The following ZMAT4 variants were observed in gnomAD, a reference collection of about 807,000 sequenced individuals.
ZMAT4 encodes zinc finger matrin-type protein 4.
In ZMAT4, 17 loss-of-function variants were observed where a neutral mutation model predicts 28.7. The ratio of observed to expected loss-of-function variants is 0.59; its 90% CI spans 0.41 to 0.89. ZMAT4 has a LOEUF of 0.89. Ranked by LOEUF, ZMAT4 falls within the 40% of genes least tolerant of loss-of-function variation. The pLI, the probability that ZMAT4 is intolerant of heterozygous loss-of-function variation, is 0.00. For missense variants in ZMAT4, 240 were observed against 283.8 expected (o/e 0.85, Z 1.11); for synonymous variants, 117 against 109.2 (o/e 1.07, Z -0.44).
chr8:40,689,896 T>C (rs967778686), intron 4 of ZMAT4, among the ~76,000 whole-genome samples: 5 of 152,140 alleles, frequency 3.3e-5, no homozygotes, highest in Non-Finnish European at 7.4e-5. Flanking sequence ...GATCATCAAC[T>C]GTCTTATACC....
intron 2 of ZMAT4, among the ~76,000 whole-genome samples, chr8:40,780,722 T>A (rs535597287): frequency 6.6e-6 from 1 of 152,320 alleles, no homozygotes; most frequent in African/African-American, 2.4e-5. Flanking sequence ...CCAAGTAAGA[T>A]TTATTGGTTT....
intron 6 of ZMAT4, among the ~76,000 whole-genome samples, chr8:40,549,407 C>G (rs1466541731): frequency 2.6e-5 from 4 of 152,150 alleles, no homozygotes; most frequent in African/African-American, 9.7e-5. Flanking sequence ...CATTTCAAGC[C>G]TTGAATTATC....
At chr8:40,770,298 G>A (rs1054680548) in intron 2 of ZMAT4, among the ~76,000 whole-genome samples, 1 of 152,108 alleles carries the variant, frequency 6.6e-6, no homozygotes, top group African/African-American at 2.4e-5. Context: ...GACTTCTCAG[G>A]GGGAGGAGTG....
intron 1 of ZMAT4, among the ~76,000 whole-genome samples, chr8:40,854,709 G>A (rs767515324): frequency 3.3e-5 from 5 of 152,140 alleles, no homozygotes; most frequent in Non-Finnish European, 7.3e-5. Flanking sequence ...GCATGGATAA[G>A]GCAAAAGGAT....
At chr8:40,829,708 G>A (rs1816207272) in intron 1 of ZMAT4, among the ~76,000 whole-genome samples, 1 of 152,158 alleles carries the variant, frequency 6.6e-6, no homozygotes, top group African/African-American at 2.4e-5. Flanking sequence ...CTTGGGGGAT[G>A]GAAAGTGATA....
intron 6 of ZMAT4, among the ~76,000 whole-genome samples, chr8:40,578,132 T>C (rs1463545779): frequency 1.3e-5 from 2 of 152,042 alleles, no homozygotes; most frequent in Non-Finnish European, 2.9e-5. Flanking sequence ...ATCAAGACAC[T>C]ATAAAATTAT....
chr8:40,731,700 G>A (rs778135868), intron 3 of ZMAT4, among the ~76,000 whole-genome samples: 3 of 152,028 alleles, frequency 2.0e-5, no homozygotes, highest in South Asian at 2.1e-4. Context: ...AAGACTACAG[G>A]GAAGACACGG....
At chr8:40,565,463 G>A (rs1043363862) in intron 6 of ZMAT4, among the ~76,000 whole-genome samples, 7 of 131,662 alleles carry the variant, frequency 5.3e-5, no homozygotes, top group African/African-American at 5.7e-5. Flanking sequence ...TGCAACCCCC[G>A]CCTCCCAGAT....
intron 2 of ZMAT4, among the ~76,000 whole-genome samples, chr8:40,776,144 T>C (rs768351944): frequency 6.6e-6 from 1 of 152,368 alleles, no homozygotes; most frequent in Admixed American, 6.5e-5. Context: ...CCATCTACAC[T>C]AGATGTTCTC....
intron 6 of ZMAT4, among the ~76,000 whole-genome samples, chr8:40,550,107 AG>A (rs1336015848): frequency 6.6e-6 from 1 of 152,068 alleles, no homozygotes; most frequent in African/African-American, 2.4e-5. Context: ...TAGTCAATCA[AG>A]GTTCCAACTC....
At chr8:40,731,766 G>GCA (rs1811552616) in intron 3 of ZMAT4, among the ~76,000 whole-genome samples, 6 of 152,128 alleles carry the variant, frequency 3.9e-5, no homozygotes, top group Admixed American at 2.0e-4. Context: ...AGAGATATTC[G>GCA]CACACACACG....
intron 3 of ZMAT4, among the ~76,000 whole-genome samples, chr8:40,704,713 A>G (rs908985544): frequency 6.6e-6 from 1 of 152,240 alleles, no homozygotes; most frequent in African/African-American, 2.4e-5. Context: ...ACGACTTGAC[A>G]TGGCCATTCA....
At chr8:40,550,406 T>C (rs1178648155) in intron 6 of ZMAT4, among the ~76,000 whole-genome samples, 1 of 152,200 alleles carries the variant, frequency 6.6e-6, no homozygotes, top group Non-Finnish European at 1.5e-5. Context: ...AATTCCTGCA[T>C]GTTTAATTCT....
intron 2 of ZMAT4, among the ~76,000 whole-genome samples, chr8:40,786,447 A>ACATTCATT (rs71294786): frequency 0.19 from 28,208 of 151,478 alleles, 3,766 homozygotes; most frequent in East Asian, 0.38. Context: ...GAAGTACATG[A>ACATTCATT]CATTCATTCA....
At chr8:40,566,478 G>A (rs925824671) in intron 6 of ZMAT4, among the ~76,000 whole-genome samples, 13 of 152,016 alleles carry the variant, frequency 8.6e-5, no homozygotes, top group Admixed American at 3.3e-4. Flanking sequence ...TTCCAGGCTG[G>A]GATGACTTTC....
At chr8:40,582,893 C>G (rs974376019) in intron 5 of ZMAT4, among the ~76,000 whole-genome samples, 3 of 152,186 alleles carry the variant, frequency 2.0e-5, no homozygotes, top group African/African-American at 7.2e-5. Flanking sequence ...TGAAGCCCTA[C>G]TGGGAAGTCC....
rs186982795 is a variant in ZMAT4 at position 40,644,660 on chromosome 8, A to T, written c.577+30044T>A. ...TAGATACTCCACCCTCAAGGAGGTG[A>T]AATATAACTCCCCACTCCTTAAGGC... On this transcript the variant is annotated intron_variant, in intron 5 of 6. Transcript: ENST00000297737. Among the ~76,000 whole-genome samples, 36 of 152,304 alleles carry T rather than the reference A, an allele frequency of 2.4e-4. 1 individual carries two copies. The East Asian group carries it at 6.7e-3, about 29-fold the overall frequency.
rs922802056 is a variant in ZMAT4, at chr8:40,531,067, G to A, written c.*1156C>T. ...AGCCAGATCCCAGCTGGTCCATGCA[G>A]GGCATCGTCAGTAGAAGCTCAACGT... is the stretch of plus-strand genomic sequence containing the variant. On this transcript the variant is annotated 3_prime_UTR_variant, in exon 7 of 7. Transcript: ENST00000297737. 6.6e-6 allele frequency: 1 copy of A among 152,658 alleles called. No homozygotes were observed. Among genetic ancestry groups the A allele is most frequent in the Admixed American group, 6.5e-5 (1 of 15,278 alleles). 9.5% of individuals were successfully genotyped at this position (152,658 alleles called of 1,614,324 possible). A position where few individuals can be genotyped will look rare whatever the true frequency, so the allele number is the denominator to read the frequency against.
chr8:40,803,181 C>A (rs1814926466), intron 2 of ZMAT4, among the ~76,000 whole-genome samples: 1 of 152,034 alleles, frequency 6.6e-6, no homozygotes, highest in Non-Finnish European at 1.5e-5. Context: ...TTTTTAGTTG[C>A]AACACTGTAG....
Sources: gnomAD v4.1 joint callset for allele counts (sites outside exome capture counted in the v4.1 genomes callset) on GRCh38, gnomAD v4.1.1 for gene constraint, MANE v1.5 for transcripts, NCBI Gene and HGNC (gene_info 2026-07-23, HGNC 2026-07-21) for gene names.